The following USP25 variants were observed in gnomAD, a reference collection of about 807,000 sequenced individuals.
USP25 encodes the protein ubiquitin specific peptidase 25.
Under a neutral mutation model 158.5 loss-of-function variants are expected in USP25, and 85 were observed. That is an observed-to-expected ratio of 0.54 (90% CI 0.45 to 0.64). The LOEUF (loss-of-function observed/expected upper bound fraction) is 0.64, where lower values mean the gene tolerates loss of function less well. USP25 is among the 30% of genes least tolerant of loss of function. USP25 has a pLI of 0.00. For missense variants in USP25, 1,242 were observed against 1,327.3 expected (o/e 0.94, Z 1.00); for synonymous variants, 464 against 460.4 (o/e 1.01, Z -0.10).
chr21:15,772,391 ATTT>A (rs1159856264), intron 3 of USP25, among the ~76,000 whole-genome samples: 1 of 152,168 alleles, frequency 6.6e-6, no homozygotes, highest in Admixed American at 6.5e-5. Context: ...TTGTAACATG[ATTT>A]TATACAGTGG....
Position 15,842,397 on chromosome 21 carries a change from G to A in USP25, c.2195-1G>A, listed in dbSNP as rs367818276. On this transcript the variant is annotated splice_acceptor_variant, in intron 17 of 25. Transcript: ENST00000400183. LOFTEE classifies it high-confidence loss of function. ...ATATAATTGATTCTTTTCTCATGAA[G>A]CACAAGCAGCAGGAGACCCAGAATA... 6 of 1,612,866 alleles carry A rather than the reference G, an allele frequency of 3.7e-6. No homozygotes were observed. Among genetic ancestry groups the A allele is most frequent in the Non-Finnish European group, 5.1e-6 (6 of 1,179,504 alleles).
intron 20 of USP25, 57 bp from the exon 21 acceptor site, chr21:15,864,211 G>T: frequency 6.6e-7 from 1 of 1,519,706 alleles, no homozygotes. Flanking sequence ...TAATATTGAA[G>T]GATTTTTTGG....
intron 1 of USP25, among the ~76,000 whole-genome samples, chr21:15,731,829 CTTA>C: frequency 6.6e-6 from 1 of 152,172 alleles, no homozygotes; most frequent in East Asian, 1.9e-4. Context: ...TTTTTAAAGA[CTTA>C]AGGCTTAGGA....
chr21:15,794,757 T>C (rs2035773891), intron 5 of USP25, among the ~76,000 whole-genome samples: 1 of 151,510 alleles, frequency 6.6e-6, no homozygotes, highest in Non-Finnish European at 1.5e-5. Flanking sequence ...AACTGCAGGT[T>C]GACTAAAATA....
At chr21:15,847,150 G>GA (rs929556233) in intron 18 of USP25, among the ~76,000 whole-genome samples, 3 of 151,952 alleles carry the variant, frequency 2.0e-5, no homozygotes, top group Non-Finnish European at 2.9e-5. Context: ...AAATTATAAG[G>GA]AAAAAAACCC....
chr21:15,789,689 C>T (rs1700658743), intron 4 of USP25, among the ~76,000 whole-genome samples: 1 of 151,950 alleles, frequency 6.6e-6, no homozygotes, highest in Non-Finnish European at 1.5e-5. Flanking sequence ...TCGTTTTTAT[C>T]TGCCTTTCCC....
intron 17 of USP25, among the ~76,000 whole-genome samples, chr21:15,834,456 T>A (rs1011569419): frequency 1.3e-5 from 2 of 152,136 alleles, no homozygotes. Flanking sequence ...TTGCAAGATC[T>A]GCATGTTTTG....
At chr21:15,791,783 T>C (rs1001284254) in intron 5 of USP25, 119 bp downstream of exon 5, 14 of 1,029,998 alleles carry the variant, frequency 1.4e-5, no homozygotes, top group Admixed American at 3.1e-5. Flanking sequence ...TAATATACTA[T>C]TTTGTCTAAT....
intron 1 of USP25, among the ~76,000 whole-genome samples, chr21:15,749,004 T>C (rs73357260): frequency 0.13 from 19,270 of 152,044 alleles, 1,410 homozygotes; most frequent in African/African-American, 0.21. Flanking sequence ...AGATATGCTC[T>C]CAAGTGTGTT....
chr21:15,768,481 T>TA (rs2034164714), intron 3 of USP25, among the ~76,000 whole-genome samples: 2 of 152,060 alleles, frequency 1.3e-5, no homozygotes, highest in Non-Finnish European at 2.9e-5. Flanking sequence ...CAGCAGGTAT[T>TA]AAAAAAATAC....
intron 14 of USP25, among the ~76,000 whole-genome samples, chr21:15,828,249 A>G (rs2037623491): frequency 6.6e-6 from 1 of 152,218 alleles, no homozygotes; most frequent in African/African-American, 2.4e-5. Context: ...ATTTTTAAAA[A>G]TATTTGAACT....
chr21:15,791,736 A>T, intron 5 of USP25, 72 bp downstream of exon 5: 2 of 1,498,492 alleles, frequency 1.3e-6, no homozygotes, highest in Non-Finnish European at 1.8e-6. Context: ...GGTTGTGTTT[A>T]AGTTGTGTAC....
intron 3 of USP25, among the ~76,000 whole-genome samples, chr21:15,767,012 A>C (rs2034076698): frequency 6.6e-6 from 1 of 152,060 alleles, no homozygotes; most frequent in Non-Finnish European, 1.5e-5. Flanking sequence ...TTTTTGCTAC[A>C]TAGATGATCT....
At chr21:15,827,809 G>T (rs2037598598) in intron 14 of USP25, among the ~76,000 whole-genome samples, 1 of 145,122 alleles carries the variant, frequency 6.9e-6, no homozygotes, top group African/African-American at 2.5e-5. Context: ...TGTGTGTCAA[G>T]TTGCCATCTG....
At chr21:15,827,956 T>G (rs1261260070) in intron 14 of USP25, among the ~76,000 whole-genome samples, 6 of 152,280 alleles carry the variant, frequency 3.9e-5, no homozygotes, top group African/African-American at 1.4e-4. Context: ...TTATGGTAGA[T>G]TTTATTACAT....
chr21:15,773,709 T>G (rs563253514), intron 3 of USP25, among the ~76,000 whole-genome samples: 2 of 152,314 alleles, frequency 1.3e-5, no homozygotes, highest in African/African-American at 4.8e-5. Flanking sequence ...ATAAAAATTA[T>G]TGAGAACCTC....
intron 1 of USP25, among the ~76,000 whole-genome samples, chr21:15,762,099 T>C (rs1186405436): frequency 6.9e-6 from 1 of 145,426 alleles, no homozygotes; most frequent in Non-Finnish European, 1.5e-5. Context: ...CTGACTGAAT[T>C]ATTGCTGAGA....
At chr21:15,733,909 T>C (rs1385905927) in intron 1 of USP25, among the ~76,000 whole-genome samples, 8 of 152,160 alleles carry the variant, frequency 5.3e-5, no homozygotes, top group Non-Finnish European at 8.8e-5. Flanking sequence ...GCTAGGAGAA[T>C]AGGCAGTGGT....
At chr21:15,865,622 G>A (rs2146564301) in intron 21 of USP25, among the ~76,000 whole-genome samples, 1 of 152,292 alleles carries the variant, frequency 6.6e-6, no homozygotes. Flanking sequence ...TGTGCTATCA[G>A]TGTACTGAGT....
Sources: allele counts gnomAD v4.1 joint callset (sites outside exome capture counted in the v4.1 genomes callset), GRCh38; gene constraint gnomAD v4.1.1; transcripts MANE v1.5; gene names NCBI Gene and HGNC (gene_info 2026-07-23, HGNC 2026-07-21).